Variants in SPACA7 observed in about 807,000 individuals in gnomAD.
SPACA7 encodes the protein sperm acrosome associated 7.
In SPACA7, 19 loss-of-function variants were observed where a neutral mutation model predicts 26.3. That is an observed-to-expected ratio of 0.72 (90% CI 0.50 to 1.06). The LOEUF is 1.06. SPACA7 is among the 50% of genes least tolerant of loss of function. SPACA7 has a pLI of 0.00. For missense variants in SPACA7, 211 were observed against 229.9 expected, an observed-to-expected ratio of 0.92 and a Z score of 0.53; for synonymous variants, 84 against 84.5, an observed-to-expected ratio of 0.99 and a Z score of 0.04.
At chr13:112,412,646 A>G (rs974177728) in intron 5 of SPACA7, among the ~76,000 whole-genome samples, 12 of 152,146 alleles carry the variant, frequency 7.9e-5, no homozygotes, top group African/African-American at 2.9e-4. Flanking sequence ...GGTGAGAGAT[A>G]GGGGTCAAGT....
intron 5 of SPACA7, among the ~76,000 whole-genome samples, chr13:112,427,972 A>C (rs1876707803): frequency 1.3e-5 from 2 of 152,170 alleles, no homozygotes; most frequent in Non-Finnish European, 2.9e-5. Context: ...ATCTGCTCAG[A>C]GAACCAGGTT....
intron 1 of SPACA7, among the ~76,000 whole-genome samples, chr13:112,377,232 C>A (rs755185880): frequency 9.2e-5 from 14 of 152,152 alleles, no homozygotes; most frequent in Admixed American, 2.6e-4. Flanking sequence ...TTTTGTCCCA[C>A]CTGATTACTC....
rs1877257417 is a variant in SPACA7, at chr13:112,432,491, C to A, written c.493C>A (p.Gln165Lys). 1 of 1,610,422 alleles carries A rather than the reference C, an allele frequency of 6.2e-7. No homozygotes were observed. Among genetic ancestry groups the A allele is most frequent in the Non-Finnish European group, 8.5e-7 (1 of 1,176,616 alleles). Reference protein sequence around the residue: ...TQYENLSILDQILQNIGRSSG... With the variant: ...TQYENLSILDKILQNIGRSSG... Reference sequence around the variant, plus strand: ...GTATGAAAATCTATCCATTCTGGACCAAATCCTTCAAAATATTGGAAGATC... The same window carrying A: ...GTATGAAAATCTATCCATTCTGGACAAAATCCTTCAAAATATTGGAAGATC... Residue 165 changes from glutamine (Q) to lysine (K), a missense_variant, in exon 6 of 7, where the codon CAA (glutamine) becomes AAA (lysine). Coordinates refer to ENST00000283550, the MANE Select transcript of SPACA7 (RefSeq NM_145248.5).
chr13:112,423,761 T>C (rs896697393), intron 5 of SPACA7, among the ~76,000 whole-genome samples: 3 of 152,332 alleles, frequency 2.0e-5, no homozygotes, highest in Non-Finnish European at 2.9e-5. Context: ...ATATCACTTG[T>C]AGAGCTGCAG....
At chr13:112,378,460 C>T (rs141024528) in intron 1 of SPACA7, among the ~76,000 whole-genome samples, 11 of 152,268 alleles carry the variant, frequency 7.2e-5, no homozygotes, top group East Asian at 1.9e-4. Flanking sequence ...TGATTATTTA[C>T]ATAAGTGCAG....
intron 5 of SPACA7, among the ~76,000 whole-genome samples, chr13:112,422,271 C>T (rs1594321129): frequency 1.3e-5 from 2 of 152,220 alleles, no homozygotes; most frequent in East Asian, 3.9e-4. Context: ...GCACTATCCA[C>T]CACAGAGCTT....
At chr13:112,410,361 A>T (rs969926616) in intron 5 of SPACA7, among the ~76,000 whole-genome samples, 1 of 151,374 alleles carries the variant, frequency 6.6e-6, no homozygotes, top group Non-Finnish European at 1.5e-5. Context: ...AACTTAAAGT[A>T]CAATTAAAAA....
At chr13:112,415,668 T>A (rs549583348) in intron 5 of SPACA7, among the ~76,000 whole-genome samples, 65 of 152,232 alleles carry the variant, frequency 4.3e-4, no homozygotes, top group African/African-American at 1.6e-3. Flanking sequence ...GGCCCCTGCA[T>A]CTGGTGTTAA....
intron 3 of SPACA7, among the ~76,000 whole-genome samples, chr13:112,398,706 A>C (rs1390840145): frequency 4.6e-5 from 7 of 152,238 alleles, no homozygotes; most frequent in Non-Finnish European, 1.0e-4. Context: ...AAGACAGAGT[A>C]CTGAATCAAC....
chr13:112,391,480 G>C (rs1449454893), intron 1 of SPACA7, among the ~76,000 whole-genome samples: 1 of 152,198 alleles, frequency 6.6e-6, no homozygotes, highest in African/African-American at 2.4e-5. Context: ...CCAGAATGAA[G>C]TCTCAGAACT....
chr13:112,433,949 C>A (rs1877468790), intron 6 of SPACA7, among the ~76,000 whole-genome samples: 1 of 152,192 alleles, frequency 6.6e-6, no homozygotes, highest in African/African-American at 2.4e-5. Flanking sequence ...GACTGTTCTG[C>A]AGGGAGAACC....
chr13:112,385,118 G>A lies in SPACA7; in HGVS notation c.95-7903G>A, dbSNP rs1205573534. Among the ~76,000 whole-genome samples the A allele has an allele frequency of 2.6e-5, 4 of 152,108 alleles. No individual in the cohort carries two copies. The East Asian group carries it at 5.8e-4, about 22-fold the overall frequency. ...TTAATATTTTAGCCTACAGAAAAAAGCTAATTAAATCTCAGCCAACTTGTT... is the reference window on the plus strand; with the variant it reads ...TTAATATTTTAGCCTACAGAAAAAAACTAATTAAATCTCAGCCAACTTGTT... On this transcript the variant is annotated intron_variant, in intron 1 of 6. Transcript: ENST00000283550.
chr13:112,398,729 G>C (rs1361131296), intron 3 of SPACA7, among the ~76,000 whole-genome samples: 2 of 152,188 alleles, frequency 1.3e-5, no homozygotes, highest in African/African-American at 2.4e-5. Context: ...TTGCCAAGGA[G>C]AGAACTGGGA....
At chr13:112,376,910 C>T (rs187488774) in intron 1 of SPACA7, among the ~76,000 whole-genome samples, 4 of 152,286 alleles carry the variant, frequency 2.6e-5, no homozygotes, top group South Asian at 2.1e-4. Context: ...GAGATAAAAG[C>T]ATTATCTACA....
At chr13:112,415,802 G>C (rs1384748547) in intron 5 of SPACA7, among the ~76,000 whole-genome samples, 2 of 152,120 alleles carry the variant, frequency 1.3e-5, no homozygotes, top group African/African-American at 4.8e-5. Flanking sequence ...GGCCACTTTA[G>C]GTAATCAGCA....
intron 5 of SPACA7, among the ~76,000 whole-genome samples, chr13:112,432,225 C>T (rs1172586088): frequency 2.0e-5 from 3 of 152,182 alleles, no homozygotes; most frequent in African/African-American, 4.8e-5. Flanking sequence ...CGCATTGCTT[C>T]GGCACCAAGC....
intron 5 of SPACA7, among the ~76,000 whole-genome samples, chr13:112,422,766 G>T (rs1057159551): frequency 6.6e-6 from 1 of 152,178 alleles, no homozygotes; most frequent in Non-Finnish European, 1.5e-5. Flanking sequence ...AATGAAGTGC[G>T]TCTCACTGCC....
chr13:112,426,087 G>A lies in SPACA7; in HGVS notation c.446-6357G>A, dbSNP rs143128556. 3.0e-3 allele frequency among the ~76,000 whole-genome samples: 451 copies of A among 152,346 alleles called. 2 individuals are homozygous for A. The highest frequency in any genetic ancestry group is 0.011 in the African/African-American group (438 of 41,572). ...TATTGAGTTAATTTGCATATATGGT[G>A]TGAGGTTATTGTTGTTTTGGTTTGA... On this transcript the variant is annotated intron_variant, in intron 5 of 6. Transcript: ENST00000283550.
chr13:112,413,342 G>T (rs1193615840), intron 5 of SPACA7, among the ~76,000 whole-genome samples: 1 of 150,062 alleles, frequency 6.7e-6, no homozygotes, highest in Non-Finnish European at 1.5e-5. Flanking sequence ...GCTTTGCTGA[G>T]TAGAGCATTC....
Sources: gnomAD v4.1 joint callset for allele counts (sites outside exome capture counted in the v4.1 genomes callset) on GRCh38, gnomAD v4.1.1 for gene constraint, MANE v1.5 for transcripts, NCBI Gene and HGNC (gene_info 2026-07-23, HGNC 2026-07-21) for gene names.